The following SMIM8 variants were observed in gnomAD, a reference collection of about 807,000 sequenced individuals.
The protein encoded by SMIM8 is small integral membrane protein 8, also known as UPF0708 protein C6orf162.
A neutral mutation model predicts 8.1 loss-of-function variants in SMIM8; 8 were observed. The ratio of observed to expected loss-of-function variants is 0.99; its 90% CI spans 0.58 to 1.78. SMIM8 has a LOEUF of 1.78. Among genes scored for constraint, SMIM8 ranks in the 40% most tolerant of loss-of-function variants. SMIM8 has a pLI of 0.00. For missense variants in SMIM8, 126 were observed against 119.8 expected, an observed-to-expected ratio of 1.05 and a Z score of -0.24; for synonymous variants, 45 against 39.7, an observed-to-expected ratio of 1.13 and a Z score of -0.50.
chr6:87,338,103 T>G (rs1056398285), intron 3 of SMIM8, among the ~76,000 whole-genome samples: 1 of 152,208 alleles, frequency 6.6e-6, no homozygotes, highest in Non-Finnish European at 1.5e-5. Flanking sequence ...TAAATCAAGG[T>G]AAAATATTTT....
chr6:87,338,906 C>CTTTTTTTTTTTTTTTTTTTTTTTTTTTT (rs58307492), intron 3 of SMIM8, among the ~76,000 whole-genome samples: 1 of 116,104 alleles, frequency 8.6e-6, no homozygotes, highest in Non-Finnish European at 1.8e-5. Context: ...TATTTAAAAG[C>CTTTTTTTTTTTTTTTTTTTTTTTTTTTT]TTTTTTTTTT....
intron 1 of SMIM8, among the ~76,000 whole-genome samples, chr6:87,324,409 C>CGTTTAA (rs1288100663): frequency 6.6e-6 from 1 of 151,524 alleles, no homozygotes; most frequent in Non-Finnish European, 1.5e-5. Flanking sequence ...TTAGGTCTAA[C>CGTTTAA]GTTTAAGTCT....
At chr6:87,331,338 A>C (rs145267765) in intron 2 of SMIM8, among the ~76,000 whole-genome samples, 14 of 152,346 alleles carry the variant, frequency 9.2e-5, no homozygotes, top group Admixed American at 2.6e-4. Context: ...TGCAGCTTTT[A>C]AAATTGAAAC....
At chr6:87,332,302 C>T in intron 2 of SMIM8, among the ~76,000 whole-genome samples, 1 of 133,362 alleles carries the variant, frequency 7.5e-6, no homozygotes, top group African/African-American at 3.0e-5. Context: ...TTCTCTTTCT[C>T]CTCCTCTCCT....
chr6:87,339,363 T>TGA (rs1777173117), intron 3 of SMIM8, among the ~76,000 whole-genome samples: 1 of 141,240 alleles, frequency 7.1e-6, no homozygotes, highest in Non-Finnish European at 1.5e-5. Context: ...TGTGTGTGTG[T>TGA]GTGTGTGTGA....
rs775398309 is a variant in SMIM8, at chr6:87,340,097, A to T, written c.136-19A>T. 9.2e-6 allele frequency: 14 copies of T among 1,514,758 alleles called. No individual in the cohort carries two copies. Among genetic ancestry groups the T allele is most frequent in the Non-Finnish European group, 1.1e-5 (13 of 1,136,078 alleles). 93.8% of individuals were successfully genotyped at this position (1,514,758 alleles called of 1,614,324 possible). ...TTGTTAGTCTTACTAAAGCTTTATAATTTTTTTTTCTTTGACAGAACAAAC... is the reference window on the plus strand; with the variant it reads ...TTGTTAGTCTTACTAAAGCTTTATATTTTTTTTTTCTTTGACAGAACAAAC... On this transcript the variant is annotated intron_variant, in intron 3 of 3. Transcript: ENST00000392863.
chr6:87,336,929 G>A, intron 2 of SMIM8, 80 bp from the exon 3 acceptor site: 2 of 1,181,336 alleles, frequency 1.7e-6, no homozygotes, highest in South Asian at 2.1e-5. Context: ...TTCAAAGAAG[G>A]AATTTAAGAA....
intron 3 of SMIM8, among the ~76,000 whole-genome samples, chr6:87,339,358 G>A (rs1288093973): frequency 6.7e-6 from 1 of 149,602 alleles, no homozygotes; most frequent in African/African-American, 2.5e-5. Flanking sequence ...GTGTGTGTGT[G>A]TGTGTGTGTG....
intron 1 of SMIM8, among the ~76,000 whole-genome samples, chr6:87,323,364 G>A (rs544569531): frequency 1.3e-5 from 2 of 152,040 alleles, no homozygotes; most frequent in South Asian, 4.2e-4. Context: ...ATGCTGGTGC[G>A]ATGCACCCAC....
intron 1 of SMIM8, among the ~76,000 whole-genome samples, chr6:87,325,293 C>T (rs1582085345): frequency 6.8e-6 from 1 of 146,102 alleles, no homozygotes; most frequent in Non-Finnish European, 1.5e-5. Context: ...GCCAGAACTT[C>T]CAACACTATG....
Position 87,337,065 on chromosome 6 carries a change from A to T in SMIM8, c.34A>T (p.Lys12Ter), listed in dbSNP as rs201697726. 3.7e-6 allele frequency: 6 copies of T among 1,612,532 alleles called. No individual in the cohort carries two copies. Among genetic ancestry groups the T allele is most frequent in the Non-Finnish European group, 5.1e-6 (6 of 1,179,126 alleles). The change falls in exon 3 of 4, where the codon AAG becomes TAG. Residue 12 changes from lysine (K) to a stop codon, truncating the protein, a stop_gained. Coordinates refer to ENST00000392863, the MANE Select transcript of SMIM8 (RefSeq NM_001042493.3). LOFTEE classifies it high-confidence loss of function. ...AGCACCTGAGCCTCCAACATTCAAA[A>T]AGGAACCACCCAAAGAGAAAGAGTT... ...SSAPEPPTFKKEPPKEKEFQS... is the reference protein window; with the variant it reads ...SSAPEPPTFK
intron 2 of SMIM8, among the ~76,000 whole-genome samples, chr6:87,331,687 A>AT (rs1180535600): frequency 2.6e-5 from 4 of 152,022 alleles, no homozygotes; most frequent in East Asian, 3.8e-4. Flanking sequence ...AGTAATCTGA[A>AT]TTTTTTTTAA....
chr6:87,336,923 A>C, intron 2 of SMIM8, 86 bp from the exon 3 acceptor site: 5 of 1,157,566 alleles, frequency 4.3e-6, no homozygotes, highest in Non-Finnish European at 4.6e-6. Context: ...TTGGAATTCA[A>C]AGAAGGAATT....
chr6:87,328,288 C>A (rs1472840330), intron 1 of SMIM8, among the ~76,000 whole-genome samples: 1 of 151,696 alleles, frequency 6.6e-6, no homozygotes, highest in African/African-American at 2.4e-5. Context: ...TGTTCCGTTG[C>A]TCGTGAGGAA....
At chr6:87,339,923 A>G (rs561932245) in intron 3 of SMIM8, among the ~76,000 whole-genome samples, 193 bp from the exon 4 acceptor site, 2 of 152,300 alleles carry the variant, frequency 1.3e-5, no homozygotes, top group South Asian at 2.1e-4. Flanking sequence ...AGAGTCTTCT[A>G]TAATCTCTAG....
At chr6:87,333,623 T>C (rs146371877) in intron 2 of SMIM8, among the ~76,000 whole-genome samples, 83 of 152,164 alleles carry the variant, frequency 5.5e-4, no homozygotes, top group African/African-American at 1.8e-3. Context: ...AAAGGAGAAA[T>C]AGCAAAGGAA....
intron 1 of SMIM8, among the ~76,000 whole-genome samples, chr6:87,330,061 A>G (rs9359746): frequency 3.9e-5 from 6 of 152,050 alleles, no homozygotes; most frequent in Non-Finnish European, 7.4e-5. Flanking sequence ...AGGTTATGCT[A>G]TGTTTCCCCT....
chr6:87,330,993 A>C (rs1294055338), intron 2 of SMIM8: 1 of 152,212 alleles, frequency 6.6e-6, no homozygotes, highest in Non-Finnish European at 1.5e-5. Context: ...CTTAGCCAAG[A>C]GCAGTGTAAT....
At chr6:87,339,464 T>G (rs1376352360) in intron 3 of SMIM8, among the ~76,000 whole-genome samples, 1 of 146,170 alleles carries the variant, frequency 6.8e-6, no homozygotes, top group Non-Finnish European at 1.5e-5. Context: ...GTGTGTGTGT[T>G]TTAACCTGAA....
Sources: gnomAD v4.1 joint callset for allele counts (sites outside exome capture counted in the v4.1 genomes callset) on GRCh38, gnomAD v4.1.1 for gene constraint, MANE v1.5 for transcripts, NCBI Gene and HGNC (gene_info 2026-07-23, HGNC 2026-07-21) for gene names.